The following NLGN4X variants were observed in gnomAD, a reference collection of about 807,000 sequenced individuals.
NLGN4X encodes the protein neuroligin-4, X-linked.
Under a neutral mutation model 40.3 loss-of-function variants are expected in NLGN4X, and 3 were observed. That is an observed-to-expected ratio of 0.07 (90% CI 0.03 to 0.19). NLGN4X has a LOEUF of 0.19. Ranked by LOEUF, NLGN4X falls within the 10% of genes least tolerant of loss-of-function variation. The probability of loss-of-function intolerance (pLI) is 1.00; values close to 1 mark genes in which losing one functional copy is unlikely to be tolerated. For synonymous variants in NLGN4X, 270 were observed against 306.8 expected (o/e 0.88, Z 1.25); for missense variants, 382 against 708.3 (o/e 0.54, Z 5.23).
intron 1 of NLGN4X, among the ~76,000 whole-genome samples, chrX:6,219,544 TTTTCTTTC>T (rs200235998): frequency 0.13 from 12,420 of 94,491 alleles, 870 homozygotes; most frequent in African/African-American, 0.22. Flanking sequence ...TCCTTTTCTC[TTTTCTTTC>T]TTTCTTTCTT....
chrX:6,219,559 TCTTTCTTTCTTTCTTC>T (rs1274641315), intron 1 of NLGN4X, among the ~76,000 whole-genome samples: 13 of 33,400 alleles, frequency 3.9e-4, no homozygotes, highest in Admixed American at 1.9e-3. Flanking sequence ...TTTCTTTCTT[TCTTTCTTTCTTTCTTC>T]CTTCCTTCCT....
In NLGN4X at chrX:6,016,609, G is replaced by T. The variant is rs57849638; in HGVS notation, c.625+12671C>A. Among the ~76,000 whole-genome samples the T allele has an allele frequency of 8.2e-3, 909 of 111,034 alleles. 5 individuals carry two copies. Among genetic ancestry groups the T allele is most frequent in the African/African-American group, 0.028 (857 of 30,495 alleles). ...AGTTCATGATATGACCTATCGATTC[G>T]GCTCCTATATCCCCAATCAAGAAAA... is the stretch of plus-strand genomic sequence containing the variant. On this transcript the variant is annotated intron_variant, in intron 3 of 5. Transcript: ENST00000381095.
chrX:6,199,310 C>T (rs1360518753), intron 1 of NLGN4X, among the ~76,000 whole-genome samples: 1 of 111,239 alleles, frequency 9.0e-6, no homozygotes, highest in Non-Finnish European at 1.9e-5. Context: ...TGGATTTGCT[C>T]CCATTTCTCA....
At chrX:5,933,357 A>T (rs771718129) in intron 3 of NLGN4X, among the ~76,000 whole-genome samples, 17 of 110,334 alleles carry the variant, frequency 1.5e-4, no homozygotes, top group African/African-American at 5.8e-4. Context: ...AAATTCTTGG[A>T]AATATCTACT....
chrX:6,038,778 T>C (rs905359531), intron 2 of NLGN4X, among the ~76,000 whole-genome samples: 2 of 111,929 alleles, frequency 1.8e-5, no homozygotes, highest in African/African-American at 6.5e-5. Flanking sequence ...TTATAAACCC[T>C]GGCAGAAAAG....
chrX:6,154,594 A>T (rs1453555936), intron 1 of NLGN4X, among the ~76,000 whole-genome samples: 3 of 111,679 alleles, frequency 2.7e-5, no homozygotes, highest in African/African-American at 9.8e-5. Context: ...ATTGATAGTT[A>T]TTCATAAATA....
intron 3 of NLGN4X, among the ~76,000 whole-genome samples, chrX:6,025,522 C>T (rs1181153729): frequency 8.9e-6 from 1 of 112,005 alleles, no homozygotes; most frequent in African/African-American, 3.2e-5. Context: ...ATTAATAACA[C>T]TAGAAATTGT....
At chrX:5,920,015 G>A (rs1213494045) in intron 3 of NLGN4X, among the ~76,000 whole-genome samples, 1 of 111,834 alleles carries the variant, frequency 8.9e-6, no homozygotes, top group Admixed American at 9.6e-5. Flanking sequence ...TGTGTTCTAT[G>A]TAAGAAACTT....
intron 3 of NLGN4X, among the ~76,000 whole-genome samples, chrX:5,990,077 CCTCTCTCTCTCTCTCTCTCTCT>C (rs71839664): frequency 3.6e-5 from 3 of 83,697 alleles, no homozygotes; most frequent in African/African-American, 1.4e-4. Flanking sequence ...TCTCTATTTT[CCTCTCTCTCTCTCTCTCTCTCT>C]CTCTCTCTCT....
At chrX:6,066,846 G>A (rs980604526) in intron 2 of NLGN4X, among the ~76,000 whole-genome samples, 26 of 111,710 alleles carry the variant, frequency 2.3e-4, no homozygotes, top group Middle Eastern at 4.7e-3. Context: ...AGTGGCTCAC[G>A]CCTGTAATCC....
chrX:6,204,607 G>A (rs1923881329), intron 1 of NLGN4X, among the ~76,000 whole-genome samples: 2 of 111,721 alleles, frequency 1.8e-5, no homozygotes, highest in South Asian at 7.6e-4. Flanking sequence ...GTGTGCACAT[G>A]TAACCCAGAA....
At chrX:6,027,415 G>A (rs2036730306) in intron 3 of NLGN4X, among the ~76,000 whole-genome samples, 1 of 112,178 alleles carries the variant, frequency 8.9e-6, no homozygotes, top group Non-Finnish European at 1.9e-5. Context: ...GACATAATAA[G>A]TTTTTTGACA....
chrX:5,899,015 G>C (rs184870434), intron 5 of NLGN4X, among the ~76,000 whole-genome samples: 284 of 112,121 alleles, frequency 2.5e-3, no homozygotes, highest in Non-Finnish European at 3.3e-3. Flanking sequence ...TAGCTCACCA[G>C]ACTGTGCCCG....
chrX:6,109,243 G>T (rs1376622825), intron 2 of NLGN4X, among the ~76,000 whole-genome samples: 1 of 111,703 alleles, frequency 9.0e-6, no homozygotes. Flanking sequence ...TCCAGCCTGG[G>T]TTGATAGAGC....
intron 2 of NLGN4X, among the ~76,000 whole-genome samples, chrX:6,065,648 G>C (rs1257917540): frequency 9.0e-6 from 1 of 111,000 alleles, no homozygotes; most frequent in African/African-American, 3.3e-5. Flanking sequence ...GAAGTGCAAT[G>C]TCTACTGAAC....
At chrX:5,952,783 G>T (rs1219581959) in intron 3 of NLGN4X, among the ~76,000 whole-genome samples, 1 of 110,955 alleles carries the variant, frequency 9.0e-6, no homozygotes, top group African/African-American at 3.3e-5. Flanking sequence ...ACTAGAGGCC[G>T]AATGCCTTCT....
chrX:5,932,852 A>C (rs2033599278), intron 3 of NLGN4X, among the ~76,000 whole-genome samples: 1 of 111,701 alleles, frequency 9.0e-6, no homozygotes, highest in Admixed American at 9.6e-5. Context: ...AATACACTTG[A>C]AACAAACAAA....
At chrX:5,963,836 A>T (rs1429887123) in intron 3 of NLGN4X, among the ~76,000 whole-genome samples, 1 of 112,538 alleles carries the variant, frequency 8.9e-6, no homozygotes, top group Non-Finnish European at 1.9e-5. Flanking sequence ...GCTCAAATGC[A>T]AGAGTTTCCA....
intron 5 of NLGN4X, among the ~76,000 whole-genome samples, chrX:5,895,646 A>G (rs1014439840): frequency 9.0e-6 from 1 of 111,012 alleles, no homozygotes; most frequent in African/African-American, 3.3e-5. Context: ...TAGATATTAG[A>G]TGTATAACAT....
Sources: gnomAD v4.1 joint callset for allele counts (sites outside exome capture counted in the v4.1 genomes callset) on GRCh38, gnomAD v4.1.1 for gene constraint, MANE v1.5 for transcripts, NCBI Gene and HGNC (gene_info 2026-07-23, HGNC 2026-07-21) for gene names.